Variants in COL28A1 observed in about 807,000 individuals in gnomAD.
COL28A1 encodes the protein collagen type XXVIII alpha 1 chain.
In COL28A1, 161 loss-of-function variants were observed where a neutral mutation model predicts 150.2. That is an observed-to-expected ratio of 1.07 (90% CI 0.94 to 1.22). COL28A1 has a LOEUF of 1.22. Ranked by LOEUF, COL28A1 falls within the 50% of genes most tolerant of loss-of-function variation. The pLI is 0.00. For synonymous variants in COL28A1, 552 were observed against 469.7 expected, an observed-to-expected ratio of 1.18 and a Z score of -2.26; for missense variants, 1,617 against 1,388.3, an observed-to-expected ratio of 1.16 and a Z score of -2.62.
chr7:7,389,553 T>C (rs1369473394), intron 27 of COL28A1, among the ~76,000 whole-genome samples: 5 of 152,220 alleles, frequency 3.3e-5, no homozygotes, highest in Non-Finnish European at 7.3e-5. Context: ...AGTAGCTTGA[T>C]AGGGATTGCA....
In COL28A1 at chr7:7,481,934, T is replaced by A. The variant is rs17520004; in HGVS notation, c.1165-4754A>T. ...TAACCTTGCATAAAAAACAAACAGATCACCCTGACAGTCTTAACCAATTTA... is the reference window on the plus strand; with the variant it reads ...TAACCTTGCATAAAAAACAAACAGAACACCCTGACAGTCTTAACCAATTTA... On this transcript the variant is annotated intron_variant, in intron 13 of 34. Coordinates refer to ENST00000399429, the MANE Select transcript of COL28A1 (RefSeq NM_001037763.3). Among the ~76,000 whole-genome samples the A allele has an allele frequency of 4.6e-3, 707 of 152,232 alleles. 5 individuals are homozygous for A. The highest frequency in any genetic ancestry group is 0.022 in the East Asian group (115 of 5,174).
intron 25 of COL28A1, among the ~76,000 whole-genome samples, chr7:7,428,964 G>T (rs1341980127): frequency 6.6e-6 from 1 of 152,204 alleles, no homozygotes; most frequent in Non-Finnish European, 1.5e-5. Context: ...GGTGCTAGAT[G>T]TCAGCAACTG....
Position 7,402,215 on chromosome 7 carries a change from A to G in COL28A1, c.2136+15644T>C, listed in dbSNP as rs544030084. Among the ~76,000 whole-genome samples, 28 of 152,328 alleles carry G rather than the reference A, an allele frequency of 1.8e-4. 1 individual carries two copies. The South Asian group carries it at 5.0e-3, about 27-fold the overall frequency. ...TTACTAAGATTAGTTCCAGCTCACAATTTCATCATTTGAACATCAAGGTTA... is the reference window on the plus strand; with the variant it reads ...TTACTAAGATTAGTTCCAGCTCACAGTTTCATCATTTGAACATCAAGGTTA... On this transcript the variant is annotated intron_variant, in intron 27 of 34. Transcript: ENST00000399429.
Position 7,512,677 on chromosome 7 carries a change from T to C in COL28A1, c.883-1542A>G, listed in dbSNP as rs907229539. Among the ~76,000 whole-genome samples, 8 of 152,234 alleles carry C rather than the reference T, an allele frequency of 5.3e-5. No individual in the cohort carries two copies. The South Asian group carries it at 1.7e-3, about 31-fold the overall frequency. On this transcript the variant is annotated intron_variant, in intron 8 of 34. Coordinates refer to ENST00000399429, the MANE Select transcript of COL28A1 (RefSeq NM_001037763.3). ...ATAATCATAGTAATATTATCTCCTT[T>C]ATAAATCACTTTAGAGTTTTCAAAA...
intron 17 of COL28A1, 152 bp from the exon 18 acceptor site, chr7:7,452,539 G>T: frequency 8.2e-7 from 1 of 1,221,476 alleles, no homozygotes; most frequent in Non-Finnish European, 1.1e-6. Flanking sequence ...GGATGGATTT[G>T]CACCAGATTT....
At chr7:7,362,990 G>T (rs1324817469) in intron 33 of COL28A1, among the ~76,000 whole-genome samples, 1 of 151,960 alleles carries the variant, frequency 6.6e-6, no homozygotes, top group Non-Finnish European at 1.5e-5. Context: ...TCTACTGGGG[G>T]GAATACAAAG....
chr7:7,392,876 T>C (rs1349037796), intron 27 of COL28A1, among the ~76,000 whole-genome samples: 1 of 152,336 alleles, frequency 6.6e-6, no homozygotes, highest in East Asian at 1.9e-4. Context: ...GCAATTCCTC[T>C]AACCTTTTTT....
intron 27 of COL28A1, among the ~76,000 whole-genome samples, chr7:7,397,697 A>T (rs1197698785): frequency 6.6e-6 from 1 of 152,206 alleles, no homozygotes; most frequent in Non-Finnish European, 1.5e-5. Flanking sequence ...GATTTGCTCC[A>T]TAGGGATAAG....
upstream of COL28A1, among the ~76,000 whole-genome samples, chr7:7,539,923 G>A (rs1782756079): frequency 6.6e-6 from 1 of 152,126 alleles, no homozygotes; most frequent in African/African-American, 2.4e-5. Context: ...AACACACAGT[G>A]CCTCATAGGC....
At chr7:7,375,995 T>C (rs1057196918) in intron 30 of COL28A1, among the ~76,000 whole-genome samples, 3 of 152,336 alleles carry the variant, frequency 2.0e-5, no homozygotes, top group Non-Finnish European at 4.4e-5. Context: ...TAGTTCCTGA[T>C]TTTTCAAGTC....
chr7:7,433,187 A>T (rs1247538738), intron 23 of COL28A1, among the ~76,000 whole-genome samples: 1 of 152,196 alleles, frequency 6.6e-6, no homozygotes, highest in Non-Finnish European at 1.5e-5. Context: ...AACAGCCCTT[A>T]GTCTCCTACA....
chr7:7,501,161 C>T (rs17168295), intron 11 of COL28A1, among the ~76,000 whole-genome samples: 1 of 152,124 alleles, frequency 6.6e-6, no homozygotes, highest in African/African-American at 2.4e-5. Flanking sequence ...GTTTCTTACA[C>T]TTGACTGTAC....
intron 11 of COL28A1, among the ~76,000 whole-genome samples, chr7:7,503,425 T>G (rs1015710016): frequency 2.6e-4 from 40 of 152,206 alleles, no homozygotes; most frequent in Middle Eastern, 3.2e-3. Context: ...ATAAATAATC[T>G]TCCTTGTGCC....
At position 7,453,421 on chromosome 7, in the gene COL28A1, C is replaced by A. The variant is rs376881734; in HGVS notation, c.1440+19G>T. On this transcript the variant is annotated intron_variant, in intron 17 of 34. Transcript: ENST00000399429. The stretch of plus-strand genomic sequence containing the variant: ...TATACTATAGATATATTAAACTCCG[C>A]TCTCATTTACAAAGTTACCTTGGAA... 9.6e-7 allele frequency: 1 copy of A among 1,040,886 alleles called. No individual in the cohort carries two copies. The highest frequency in any genetic ancestry group is 1.6e-5 in the African/African-American group (1 of 64,116). 64.5% of individuals were successfully genotyped at this position (1,040,886 alleles called of 1,614,324 possible).
chr7:7,378,853 T>C (rs1229444472), intron 30 of COL28A1, among the ~76,000 whole-genome samples: 3 of 152,206 alleles, frequency 2.0e-5, no homozygotes, highest in African/African-American at 7.2e-5. Flanking sequence ...GCCATCAGCC[T>C]GTCACCGTCT....
intron 15 of COL28A1, among the ~76,000 whole-genome samples, chr7:7,472,253 T>A (rs904959352): frequency 6.6e-6 from 1 of 152,280 alleles, no homozygotes; most frequent in Admixed American, 6.5e-5. Context: ...GATGATATGA[T>A]TGTTTACCTA....
At chr7:7,439,019 G>C (rs927392997) in intron 21 of COL28A1, among the ~76,000 whole-genome samples, 5 of 152,186 alleles carry the variant, frequency 3.3e-5, no homozygotes, top group African/African-American at 9.7e-5. Flanking sequence ...CTGTATCTAT[G>C]CTATGTCTAA....
At chr7:7,496,835 C>A (rs893732845) in intron 11 of COL28A1, among the ~76,000 whole-genome samples, 1 of 152,056 alleles carries the variant, frequency 6.6e-6, no homozygotes, top group Non-Finnish European at 1.5e-5. Flanking sequence ...TGCATGGGAC[C>A]AACTTTAATA....
chr7:7,506,009 AT>A lies in COL28A1; in HGVS notation c.1026+4del. On this transcript the variant is annotated splice_donor_region_variant and intron_variant, in intron 11 of 34. Coordinates refer to ENST00000399429, the MANE Select transcript of COL28A1 (RefSeq NM_001037763.3). ...TGCCTGTCTTTAATCAAAGGGTAAGATTACCTTATTGCCTTGAAACCCCTTT... is the reference window on the plus strand; with the variant it reads ...TGCCTGTCTTTAATCAAAGGGTAAGATACCTTATTGCCTTGAAACCCCTTT... 7.8e-7 allele frequency: 1 copy of A among 1,283,574 alleles called. No homozygotes were observed. Among genetic ancestry groups the A allele is most frequent in the South Asian group, 1.2e-5 (1 of 84,370 alleles). 79.5% of individuals were successfully genotyped at this position (1,283,574 alleles called of 1,614,324 possible).
Sources: gnomAD v4.1 joint callset for allele counts (sites outside exome capture counted in the v4.1 genomes callset) on GRCh38, gnomAD v4.1.1 for gene constraint, MANE v1.5 for transcripts, NCBI Gene and HGNC (gene_info 2026-07-23, HGNC 2026-07-21) for gene names.